Variants in SLC25A21 observed in about 807,000 individuals in gnomAD.
SLC25A21 encodes solute carrier family 25 member 21.
A neutral mutation model predicts 43.8 loss-of-function variants in SLC25A21; 47 were observed. The observed-to-expected ratio is 1.07, with a 90% confidence interval of 0.85 to 1.37. The LOEUF is 1.37. SLC25A21 is among the 40% of genes most tolerant of loss of function. SLC25A21 has a pLI of 0.00. For missense variants in SLC25A21, 352 were observed against 350.2 expected (o/e 1.00, Z -0.04); for synonymous variants, 131 against 121.3 (o/e 1.08, Z -0.52).
chr14:37,166,061 G>A (rs187995804), intron 1 of SLC25A21, among the ~76,000 whole-genome samples: 6 of 152,254 alleles, frequency 3.9e-5, no homozygotes. Flanking sequence ...AATCCATTTG[G>A]TGTCTTTGTG....
intron 3 of SLC25A21, among the ~76,000 whole-genome samples, chr14:36,796,348 AATTT>A (rs555283170): frequency 0.018 from 2,790 of 151,354 alleles, 83 homozygotes; most frequent in African/African-American, 0.061. Flanking sequence ...ACAGTATGGT[AATTT>A]ATTTATTTAT....
chr14:36,858,185 C>G (rs544105630), intron 2 of SLC25A21, among the ~76,000 whole-genome samples: 1 of 152,226 alleles, frequency 6.6e-6, no homozygotes, highest in South Asian at 2.1e-4. Flanking sequence ...TTTCTCTCCC[C>G]AGAAGTGAAT....
chr14:37,168,086 C>T (rs8007988), intron 1 of SLC25A21, among the ~76,000 whole-genome samples: 16,861 of 152,008 alleles, frequency 0.11, 2,300 homozygotes, highest in African/African-American at 0.32. Flanking sequence ...CCTGGGATCC[C>T]ACATTTTCAA....
chr14:37,114,121 C>T (rs903499034), intron 1 of SLC25A21, among the ~76,000 whole-genome samples: 24 of 152,228 alleles, frequency 1.6e-4, no homozygotes, highest in Admixed American at 5.2e-4. Context: ...TTTCCTCCTA[C>T]GCACCATAAT....
intron 1 of SLC25A21, among the ~76,000 whole-genome samples, chr14:36,927,089 G>C (rs912555524): frequency 1.3e-5 from 2 of 152,140 alleles, no homozygotes; most frequent in Non-Finnish European, 2.9e-5. Flanking sequence ...AGAGTCGCTT[G>C]AACCTGGGAG....
intron 7 of SLC25A21, among the ~76,000 whole-genome samples, chr14:36,692,071 G>C (rs983497474): frequency 2.6e-5 from 4 of 152,182 alleles, no homozygotes; most frequent in Admixed American, 6.5e-5. Context: ...AAGACACATG[G>C]CTAACTAGTA....
chr14:36,690,909 C>T (rs17766326), intron 7 of SLC25A21, among the ~76,000 whole-genome samples: 6,621 of 152,178 alleles, frequency 0.044, 218 homozygotes, highest in Non-Finnish European at 0.071. Context: ...ATCACATGAC[C>T]TGGAGTATCA....
rs192092443 is a variant in SLC25A21 at position 36,912,354 on chromosome 14, G to A, written c.71-37350C>T. Among the ~76,000 whole-genome samples, 32 of 152,314 alleles carry A rather than the reference G, an allele frequency of 2.1e-4. No individual in the cohort carries two copies. In the East Asian group the frequency reaches 5.6e-3, roughly 27 times the overall value. On this transcript the variant is annotated intron_variant, in intron 1 of 9. Coordinates refer to ENST00000331299, the MANE Select transcript of SLC25A21 (RefSeq NM_030631.4). ...GAACTGTGACTGAGGTCATGCGGCA[G>A]AGCAGGTAAGTGGCAGAGCCTGAAT...
intron 1 of SLC25A21, among the ~76,000 whole-genome samples, chr14:36,894,748 A>G (rs1322667962): frequency 6.6e-6 from 1 of 152,184 alleles, no homozygotes; most frequent in Non-Finnish European, 1.5e-5. Flanking sequence ...TTTTAGCAAG[A>G]AGCATTGTTG....
intron 1 of SLC25A21, among the ~76,000 whole-genome samples, chr14:37,122,454 C>A (rs1009213201): frequency 1.3e-5 from 2 of 152,134 alleles, no homozygotes; most frequent in Non-Finnish European, 2.9e-5. Flanking sequence ...GCTGGGCATA[C>A]AAAAATGGCC....
At chr14:36,702,020 A>C in intron 7 of SLC25A21, among the ~76,000 whole-genome samples, 1 of 152,186 alleles carries the variant, frequency 6.6e-6, no homozygotes, top group South Asian at 2.1e-4. Flanking sequence ...CATACATGAA[A>C]CTTTCCCATG....
rs1480150787 is a variant in SLC25A21, at chr14:36,713,172, A to C, written c.439-1690T>G. Among the ~76,000 whole-genome samples the C allele has an allele frequency of 2.6e-5, 4 of 152,328 alleles. 1 individual carries two copies. The East Asian group carries it at 7.7e-4, about 29-fold the overall frequency. ...GGGCGGAGGAGCTCCGAGGCCATCTAAGTTTTAGAGCAGCAGAGAAACCAA... is the reference window on the plus strand; with the variant it reads ...GGGCGGAGGAGCTCCGAGGCCATCTCAGTTTTAGAGCAGCAGAGAAACCAA... On this transcript the variant is annotated intron_variant, in intron 6 of 9. Transcript: ENST00000331299.
intron 1 of SLC25A21, among the ~76,000 whole-genome samples, chr14:37,137,624 T>C (rs1227161542): frequency 6.6e-6 from 1 of 152,222 alleles, no homozygotes; most frequent in East Asian, 1.9e-4. Context: ...CTGACTTTTA[T>C]ACATTACTAC....
At chr14:37,009,909 A>G (rs1486217269) in intron 1 of SLC25A21, among the ~76,000 whole-genome samples, 1 of 152,164 alleles carries the variant, frequency 6.6e-6, no homozygotes, top group African/African-American at 2.4e-5. Context: ...AACTTAAGAA[A>G]TTTTGACGTA....
At chr14:36,863,255 G>A (rs1351719823) in intron 2 of SLC25A21, among the ~76,000 whole-genome samples, 1 of 152,188 alleles carries the variant, frequency 6.6e-6, no homozygotes, top group Non-Finnish European at 1.5e-5. Context: ...AGGCTTTGCA[G>A]TTAAGCAGGG....
intron 1 of SLC25A21, among the ~76,000 whole-genome samples, chr14:37,153,811 A>G (rs1231108454): frequency 6.6e-6 from 1 of 152,174 alleles, no homozygotes. Context: ...AACAGAGCAC[A>G]TAGCCCAGGG....
chr14:36,796,614 C>A (rs1359255802), intron 3 of SLC25A21, among the ~76,000 whole-genome samples: 13 of 151,914 alleles, frequency 8.6e-5, no homozygotes, highest in Admixed American at 8.5e-4. Flanking sequence ...GTGAATTAGC[C>A]TTAGATGCAC....
chr14:37,114,505 C>T (rs1424112624), intron 1 of SLC25A21, among the ~76,000 whole-genome samples: 1 of 152,162 alleles, frequency 6.6e-6, no homozygotes, highest in Non-Finnish European at 1.5e-5. Flanking sequence ...CTGCGCAATA[C>T]TTAAATCATT....
intron 2 of SLC25A21, among the ~76,000 whole-genome samples, chr14:36,815,236 G>GT (rs1461718618): frequency 6.6e-6 from 1 of 152,040 alleles, no homozygotes; most frequent in African/African-American, 2.4e-5. Context: ...CTTAAAACCT[G>GT]TAAGACGGGT....
Sources: gnomAD v4.1 joint callset for allele counts (sites outside exome capture counted in the v4.1 genomes callset) on GRCh38, gnomAD v4.1.1 for gene constraint, MANE v1.5 for transcripts, NCBI Gene and HGNC (gene_info 2026-07-23, HGNC 2026-07-21) for gene names.